Variants in DPP9 observed in about 807,000 individuals in gnomAD.
DPP9 encodes the protein dipeptidyl peptidase 9, also known as dipeptidyl peptidase IV-related protein-2.
DPP9 carries 50 observed loss-of-function variants against 110.7 expected under a neutral mutation model. The ratio of observed to expected loss-of-function variants is 0.45; its 90% CI spans 0.36 to 0.57. The LOEUF is 0.57. Ranked by LOEUF, DPP9 falls within the 20% of genes least tolerant of loss-of-function variation. The pLI, the probability that DPP9 is intolerant of heterozygous loss-of-function variation, is 0.00. For missense variants in DPP9, 1,022 were observed against 1,217.9 expected (o/e 0.84, Z 2.39); for synonymous variants, 561 against 514.4 (o/e 1.09, Z -1.23).
Position 4,698,364 on chromosome 19 carries a change from A to G in DPP9, c.1075-713T>C, listed in dbSNP as rs554896622. On this transcript the variant is annotated intron_variant, in intron 10 of 21. Coordinates refer to ENST00000262960, the MANE Select transcript of DPP9 (RefSeq NM_139159.5). This position sits in a 1 kb window ranked among gnomAD's most constrained non-coding sequence, Gnocchi z 4.2. ...TCCAGCTCTACCACTTGAGTGGGTC[A>G]CCAGCCCCACATCCCCAAGCCGACT... 6.6e-6 allele frequency among the ~76,000 whole-genome samples: 1 copy of G among 152,292 alleles called. No homozygotes were observed. The highest frequency in any genetic ancestry group is 2.1e-4 in the South Asian group (1 of 4,822).
intron 21 of DPP9, among the ~76,000 whole-genome samples, chr19:4,677,935 C>T (rs1209976378): frequency 6.6e-6 from 1 of 152,154 alleles, no homozygotes; most frequent in Non-Finnish European, 1.5e-5. Context: ...AGCTGCCTGG[C>T]CCAGATGTTT....
Position 4,685,956 on chromosome 19 carries a change from G to A in DPP9, c.1886-185C>T, listed in dbSNP as rs2090642687. The A allele has an allele frequency of 1.6e-6, 1 of 627,898 alleles. No individual in the cohort carries two copies. The highest frequency in any genetic ancestry group is 2.6e-6 in the Non-Finnish European group (1 of 379,478). 38.9% of individuals were successfully genotyped at this position (627,898 alleles called of 1,614,324 possible). A position where few individuals can be genotyped will look rare whatever the true frequency, so the allele number is the denominator to read the frequency against. ...ATTAAATAAGATTTGTACAGTTTTT[G>A]TAGAGATGGGGTCTTGTCTCCCTGT... is the stretch of plus-strand genomic sequence containing the variant. On this transcript the variant is annotated intron_variant, in intron 16 of 21. Transcript: ENST00000262960. The surrounding 1 kb of genome is among the most constrained non-coding windows in gnomAD (Gnocchi z 5.8).
chr19:4,682,030 A>G lies in DPP9; in HGVS notation c.2474+666T>C, dbSNP rs901515280. Among the ~76,000 whole-genome samples, 1 of 149,162 alleles carries G rather than the reference A, an allele frequency of 6.7e-6. No individual in the cohort carries two copies. Among genetic ancestry groups the G allele is most frequent in the Non-Finnish European group, 1.5e-5 (1 of 67,142 alleles). ...CACCCGGCTAATTTTTTGTATTTTT[A>G]GTAGAGACGGGGTTTCATCTTGTTA... On this transcript the variant is annotated intron_variant, in intron 20 of 21. Coordinates refer to ENST00000262960, the MANE Select transcript of DPP9 (RefSeq NM_139159.5). The surrounding 1 kb of genome is among the most constrained non-coding windows in gnomAD (Gnocchi z 7.1).
chr19:4,702,567 C>T lies in DPP9; in HGVS notation c.883+36G>A, dbSNP rs369191738. On this transcript the variant is annotated intron_variant, in intron 8 of 21. Coordinates refer to ENST00000262960, the MANE Select transcript of DPP9 (RefSeq NM_139159.5). ...GCCTGTGATTCCAGGAGGAAAAGCA[C>T]GCCCGGGAGCATGTTGAAAAATGGA... 20 of 1,502,782 alleles carry T rather than the reference C, an allele frequency of 1.3e-5. 1 individual carries two copies. The highest frequency in any genetic ancestry group is 1.3e-4 in the South Asian group (11 of 83,050). 93.1% of individuals were successfully genotyped at this position (1,502,782 alleles called of 1,614,324 possible).
chr19:4,682,699 T>C lies in DPP9; in HGVS notation c.2471A>G (p.Asn824Ser). The C allele has an allele frequency of 1.2e-6, 2 of 1,609,642 alleles. No individual in the cohort carries two copies. Among genetic ancestry groups the C allele is most frequent in the Non-Finnish European group, 8.5e-7 (1 of 1,178,376 alleles). Residue 824 changes from asparagine to serine, a missense_variant, in exon 20 of 22, where the codon AAT becomes AGT. Around this residue, in one of 3 missense-constraint regions of DPP9, gnomAD observed 209 missense variants for 280.4 expected, o/e 0.75. Transcript: ENST00000262960. The surrounding 1 kb of genome is among the most constrained non-coding windows in gnomAD (Gnocchi z 7.1). ...SVALHVEKLP[N>S]EPNRLLILHG... ...CAGGGCAGGGCAGTGGCCTTACTCATTGGGCAGCTTCTCCACGTGCAGGGC... is the reference window on the plus strand; with the variant it reads ...CAGGGCAGGGCAGTGGCCTTACTCACTGGGCAGCTTCTCCACGTGCAGGGC...
chr19:4,699,453 C>A (rs1018875150), intron 10 of DPP9, among the ~76,000 whole-genome samples: 1 of 152,076 alleles, frequency 6.6e-6, no homozygotes, highest in African/African-American at 2.4e-5. Flanking sequence ...TCCGAGAGAA[C>A]TGATCAATGT....
At position 4,695,230 on chromosome 19, in the gene DPP9, A is replaced by C. The variant is rs2091690528; in HGVS notation, c.1353+148T>G. 2.3e-5 allele frequency: 19 copies of C among 840,362 alleles called. No individual in the cohort carries two copies. The South Asian group carries it at 3.6e-4, about 16-fold the overall frequency. 52.1% of individuals were successfully genotyped at this position (840,362 alleles called of 1,614,324 possible). A position where few individuals can be genotyped will look rare whatever the true frequency, so the allele number is the denominator to read the frequency against. On this transcript the variant is annotated intron_variant, in intron 12 of 21. Coordinates refer to ENST00000262960, the MANE Select transcript of DPP9 (RefSeq NM_139159.5). This position sits in a 1 kb window ranked among gnomAD's most constrained non-coding sequence, Gnocchi z 4.7. ...ACCCCCCTAGACCCTCTTCCCTGCC[A>C]GCCAGGGATGGCCAAGGCCTGAGCT...
chr19:4,692,442 C>G (rs538649578), intron 13 of DPP9, among the ~76,000 whole-genome samples: 1 of 152,106 alleles, frequency 6.6e-6, no homozygotes, highest in African/African-American at 2.4e-5. Flanking sequence ...GGGAGGAGAG[C>G]GGTTCCCACC....
Position 4,688,891 on chromosome 19 carries a change from T to A in DPP9, c.1751A>T (p.Asn584Ile). The A allele has an allele frequency of 3.3e-6, 5 of 1,517,334 alleles. No individual in the cohort carries two copies. The highest frequency in any genetic ancestry group is 4.4e-6 in the Non-Finnish European group (5 of 1,148,496). The allele number at this position is 1,517,334 out of a possible 1,614,324, so 94.0% of individuals were successfully genotyped here. A position where few individuals can be genotyped will look rare whatever the true frequency, so the allele number is the denominator to read the frequency against. Residue 584 changes from asparagine (N) to isoleucine (I), a missense_variant and splice_region_variant, in exon 16 of 22, where the codon AAC becomes ATC. Coordinates refer to ENST00000262960, the MANE Select transcript of DPP9 (RefSeq NM_139159.5). Reference protein sequence around the residue: ...GFSHSCSMSQNFDMFVSHYSS... With the variant: ...GFSHSCSMSQIFDMFVSHYSS... ...GTAGTGGCTGACGAACATGTCGAAG[T>A]TCTGGGGGTGGAATGGGGTGATGAG...
intron 19 of DPP9, 187 bp from the exon 20 acceptor site, chr19:4,683,025 T>A: frequency 6.6e-7 from 1 of 1,520,746 alleles, no homozygotes; most frequent in Non-Finnish European, 8.8e-7. Context: ...GGCATGGGGG[T>A]GGGCAGGGCG....
rs750955808 is a variant in DPP9 at position 4,704,206 on chromosome 19, G to T, written c.525C>A (p.Ser175Arg). 4 of 1,614,022 alleles carry T rather than the reference G, an allele frequency of 2.5e-6. No homozygotes were observed. Among genetic ancestry groups the T allele is most frequent in the Non-Finnish European group, 3.4e-6 (4 of 1,179,900 alleles). ...CCTGGAAGAGGAAGAGGCCACTCTC[G>T]CTGTGGAAGTCGTAGGAGGTGATGC... ...VFGITSYDFH[S>R]ESGLFLFQAS... is the part of the protein sequence containing the mutation. The change falls in exon 6 of 22, where the codon AGC becomes AGA. Residue 175 changes from serine to arginine, a missense_variant. Coordinates refer to ENST00000262960, the MANE Select transcript of DPP9 (RefSeq NM_139159.5). This position sits in a 1 kb window ranked among gnomAD's most constrained non-coding sequence, Gnocchi z 6.0.
chr19:4,709,414 T>A (rs2092730601), intron 4 of DPP9, among the ~76,000 whole-genome samples: 1 of 151,974 alleles, frequency 6.6e-6, no homozygotes, highest in South Asian at 2.1e-4. Context: ...CAGTGAGATG[T>A]GTGTGGGAAG....
At position 4,694,875 on chromosome 19, in the gene DPP9, T is replaced by C. The variant is rs1434552155; in HGVS notation, c.1354-52A>G. The C allele has an allele frequency of 2.5e-6, 4 of 1,585,188 alleles. No individual in the cohort carries two copies. Among genetic ancestry groups the C allele is most frequent in the East Asian group, 2.2e-5 (1 of 44,548 alleles). ...GTCAGAAGGTGTGGGTGGCCGGGCA[T>C]GGTGGCTCACACCAGTAATCCCAGT... On this transcript the variant is annotated intron_variant, in intron 12 of 21. Coordinates refer to ENST00000262960, the MANE Select transcript of DPP9 (RefSeq NM_139159.5). This position sits in a 1 kb window ranked among gnomAD's most constrained non-coding sequence, Gnocchi z 4.0.
chr19:4,700,267 A>G lies in DPP9; in HGVS notation c.1023T>C (p.Asn341=). The change falls in exon 10 of 22, where the codon AAT becomes AAC. Residue 341 remains asparagine (N), a synonymous_variant. Transcript: ENST00000262960. The surrounding 1 kb of genome is among the most constrained non-coding windows in gnomAD (Gnocchi z 4.3). ...SYRYPRTGSK[N]PKIALKLAEF... ...CAGCCAGTTTCAAGGCAATCTTGGGATTCTTGCTGCCTGCAAAAACCGAAG... is the reference window on the plus strand; with the variant it reads ...CAGCCAGTTTCAAGGCAATCTTGGGGTTCTTGCTGCCTGCAAAAACCGAAG... 6.3e-7 allele frequency: 1 copy of G among 1,596,516 alleles called. No homozygotes were observed. The highest frequency in any genetic ancestry group is 8.6e-7 in the Non-Finnish European group (1 of 1,169,124).
At position 4,718,703 on chromosome 19, in the gene DPP9, T is replaced by C. The variant is rs2093184379; in HGVS notation, c.56+1148A>G. 1.3e-5 allele frequency among the ~76,000 whole-genome samples: 2 copies of C among 152,188 alleles called. No individual in the cohort carries two copies. The highest frequency in any genetic ancestry group is 1.3e-4 in the Admixed American group (2 of 15,278). On this transcript the variant is annotated intron_variant, in intron 3 of 21. Coordinates refer to ENST00000262960, the MANE Select transcript of DPP9 (RefSeq NM_139159.5). This position sits in a 1 kb window ranked among gnomAD's most constrained non-coding sequence, Gnocchi z 4.3. ...AGGGACACAGATCCCCTTCAGTAAC[T>C]GACCCCTAAGGCATGTGCCCACCAG... is the stretch of plus-strand genomic sequence containing the variant.
Position 4,700,184 on chromosome 19 carries a change from T to G in DPP9, c.1074+32A>C. 6.6e-7 allele frequency: 1 copy of G among 1,521,838 alleles called. No homozygotes were observed. Among genetic ancestry groups the G allele is most frequent in the Non-Finnish European group, 8.9e-7 (1 of 1,118,596 alleles). 94.3% of individuals were successfully genotyped at this position (1,521,838 alleles called of 1,614,324 possible). A position where few individuals can be genotyped will look rare whatever the true frequency, so the allele number is the denominator to read the frequency against. On this transcript the variant is annotated intron_variant, in intron 10 of 21. Transcript: ENST00000262960. The surrounding 1 kb of genome is among the most constrained non-coding windows in gnomAD (Gnocchi z 4.3). Reference sequence around the variant, plus strand: ...CCCGGCCCTTCCCCGCATCATCTAGTAGATTATCTGGTATGCAGCAGGCCC... The same window carrying G: ...CCCGGCCCTTCCCCGCATCATCTAGGAGATTATCTGGTATGCAGCAGGCCC...
rs10404657 is a variant in DPP9 at position 4,683,280 on chromosome 19, G to A, written c.2331+197C>T. Reference sequence around the variant, plus strand: ...TGCAGCCGGATGCCATCCTGCGGTCGGCGGTGGCGGGCAATGAGGAGGGGG... The same window carrying A: ...TGCAGCCGGATGCCATCCTGCGGTCAGCGGTGGCGGGCAATGAGGAGGGGG... On this transcript the variant is annotated intron_variant, in intron 19 of 21. Coordinates refer to ENST00000262960, the MANE Select transcript of DPP9 (RefSeq NM_139159.5). The A allele has an allele frequency of 1.9e-3, 2,796 of 1,437,330 alleles. 51 individuals carry two copies. In the African/African-American group the frequency reaches 0.035, roughly 18 times the overall value. 89.0% of individuals were successfully genotyped at this position (1,437,330 alleles called of 1,614,324 possible). A position where few individuals can be genotyped will look rare whatever the true frequency, so the allele number is the denominator to read the frequency against.
chr19:4,683,406 G>A, intron 19 of DPP9, 71 bp downstream of exon 19: 1 of 1,595,198 alleles, frequency 6.3e-7, no homozygotes, highest in Non-Finnish European at 8.5e-7. Flanking sequence ...GCGGGCGGTG[G>A]GCAAACGCGG....
At position 4,702,099 on chromosome 19, in the gene DPP9, C is replaced by T. The variant is rs1276088638; in HGVS notation, c.940G>A (p.Val314Met). The T allele has an allele frequency of 4.3e-6, 7 of 1,613,954 alleles. No individual in the cohort carries two copies. Among genetic ancestry groups the T allele is most frequent in the Non-Finnish European group, 5.9e-6 (7 of 1,179,840 alleles). Residue 314 changes from valine to methionine, a missense_variant, in exon 9 of 22, where the codon GTG becomes ATG. Val to Met is a conservative substitution (Grantham distance 21). This residue lies in a region of DPP9 where 810 missense variants were observed against 920.6 expected (regional missense o/e 0.88). Transcript: ENST00000262960. The part of the protein sequence containing the change: ...ILYEEVDESE[V>M]EVIHVPSPAL... ...GGAGAGGGGACGTGAATGACCTCCA[C>T]CTCGGACTCATCGACTTCCTCATAC...
Sources: allele counts gnomAD v4.1 joint callset (sites outside exome capture counted in the v4.1 genomes callset), GRCh38; gene constraint gnomAD v4.1.1; regional missense constraint gnomAD v4.1.1; non-coding constraint Gnocchi (gnomAD v3.1); transcripts MANE v1.5; gene names NCBI Gene and HGNC (gene_info 2026-07-23, HGNC 2026-07-21).